MUC4: variants seen among roughly 807,000 people sequenced by gnomAD.
MUC4 encodes the protein mucin-4.
MUC4 carries 202 observed loss-of-function variants against 257.9 expected under a neutral mutation model. The observed-to-expected ratio is 0.78, with a 90% CI of 0.70 to 0.88. The LOEUF (loss-of-function observed/expected upper bound fraction) is 0.88, where lower values mean the gene tolerates loss of function less well. Ranked by LOEUF, MUC4 falls within the 40% of genes least tolerant of loss-of-function variation. The probability of loss-of-function intolerance (pLI) is 0.00; values close to 1 mark genes in which losing one functional copy is unlikely to be tolerated. For missense variants in MUC4, 5,976 were observed against 6,513.7 expected, an observed-to-expected ratio of 0.92 and a Z score of 2.84; for synonymous variants, 2,351 against 2,757.1, an observed-to-expected ratio of 0.85 and a Z score of 4.62.
rs1276273026 is a variant in MUC4, at chr3:195,750,992, C to A, written c.15768G>T (p.Val5256=). 1 of 1,613,978 alleles carries A rather than the reference C, an allele frequency of 6.2e-7. No individual in the cohort carries two copies. Among genetic ancestry groups the A allele is most frequent in the African/African-American group, 1.3e-5 (1 of 74,904 alleles). ...GAACGTGGTATAAGAACGCCTCCAC[C>A]ACCGCGGCCAGCAGCTGGTTGTTCA... is the stretch of plus-strand genomic sequence containing the variant. ...DFLNNQLLAA[V]VEAFLYHVPR... is the part of the protein sequence containing the mutation. The change falls in exon 23 of 25, where the codon GTG becomes GTT. Residue 5256 remains valine (V), a synonymous_variant. Transcript: ENST00000463781.
chr3:195,757,126 C>T lies in MUC4; in HGVS notation c.15168+21G>A, dbSNP rs1717826755. The stretch of plus-strand genomic sequence containing the variant: ...CTCTCCCCTCGGCACAGAAACTCCT[C>T]CCCCACCTCCCAACACTCACCTCCA... On this transcript the variant is annotated intron_variant, in intron 18 of 24. Transcript: ENST00000463781. This position sits in a 1 kb window ranked among gnomAD's most constrained non-coding sequence, Gnocchi z 4.8. 1 of 1,579,270 alleles carries T rather than the reference C, an allele frequency of 6.3e-7. No individual in the cohort carries two copies. The highest frequency in any genetic ancestry group is 1.3e-5 in the African/African-American group (1 of 74,394).
chr3:195,750,948 G>C lies in MUC4; in HGVS notation c.15812C>G (p.Pro5271Arg). 1 of 1,614,048 alleles carries C rather than the reference G, an allele frequency of 6.2e-7. No individual in the cohort carries two copies. Among genetic ancestry groups the C allele is most frequent in the Non-Finnish European group, 8.5e-7 (1 of 1,180,028 alleles). ...GGGCTGGAAGACCACGTCGTTCCTG[G>C]GCTCCTCACTCCTCCGTGGAACGTG... Reference protein sequence around the residue: ...LYHVPRRSEEPRNDVVFQPIS... With the variant: ...LYHVPRRSEERRNDVVFQPIS... Residue 5271 changes from proline (P) to arginine (R), a missense_variant, in exon 23 of 25, where the codon CCC (proline) becomes CGC (arginine). Physicochemically the swap from Pro to Arg is moderately radical, Grantham distance 103. Around this residue, in one of 44 missense-constraint regions of MUC4, gnomAD observed 310 missense variants for 242.1 expected, o/e 1.28. Coordinates refer to ENST00000463781, the MANE Select transcript of MUC4 (RefSeq NM_018406.7).
intron 18 of MUC4, among the ~76,000 whole-genome samples, chr3:195,756,404 G>A (rs1442284004): frequency 2.0e-5 from 3 of 152,218 alleles, no homozygotes; most frequent in Non-Finnish European, 2.9e-5. Flanking sequence ...GCTGTGGGGC[G>A]CTGTGAGAAA....
intron 8 of MUC4, 101 bp downstream of exon 8, chr3:195,766,562 G>A (rs956533122): frequency 2.1e-5 from 22 of 1,049,708 alleles, no homozygotes; most frequent in African/African-American, 1.2e-4. Flanking sequence ...CAGGATGGCC[G>A]TGATGTTAGG....
intron 2 of MUC4, 77 bp from the exon 3 acceptor site, chr3:195,778,532 A>G (rs144550200): frequency 1.3e-6 from 2 of 1,568,228 alleles, no homozygotes; most frequent in East Asian, 4.5e-5. Flanking sequence ...CAAAGAAATC[A>G]GGAGCTGGAA....
At chr3:195,804,097 GGAA>G (rs1030897253) in intron 1 of MUC4, among the ~76,000 whole-genome samples, 5 of 152,206 alleles carry the variant, frequency 3.3e-5, no homozygotes, top group African/African-American at 1.2e-4. Context: ...TTCTCTCAGA[GGAA>G]GAGTCTCCAT....
At position 195,807,627 on chromosome 3, in the gene MUC4, G is replaced by A. The variant is rs80275019; in HGVS notation, c.82+4109C>T. The stretch of plus-strand genomic sequence containing the variant: ...AACTCAGCCTAGCAGTAAGAAAGAC[G>A]TATATTTAAGGTAAAAGGCTGAAAC... On this transcript the variant is annotated intron_variant, in intron 1 of 24. Transcript: ENST00000463781. Among the ~76,000 whole-genome samples, 972 of 152,278 alleles carry A rather than the reference G, an allele frequency of 6.4e-3. 15 individuals carry two copies. Among genetic ancestry groups the A allele is most frequent in the African/African-American group, 0.023 (937 of 41,538 alleles).
At chr3:195,807,047 C>T (rs982973563) in intron 1 of MUC4, among the ~76,000 whole-genome samples, 12 of 152,156 alleles carry the variant, frequency 7.9e-5, no homozygotes, top group Non-Finnish European at 1.3e-4. Flanking sequence ...AGTGGAGCTG[C>T]GGGCAACCCA....
rs1015130999 is a variant in MUC4, at chr3:195,774,057, C to T, written c.13077+115G>A. The stretch of plus-strand genomic sequence containing the variant: ...ACATTAAGGAGGCTGTGGGGATGGA[C>T]GAGGGGCCCAGCCAAGGCTGCTTCC... On this transcript the variant is annotated intron_variant, in intron 4 of 24. Transcript: ENST00000463781. 9.1e-6 allele frequency: 12 copies of T among 1,325,178 alleles called. No homozygotes were observed. In the Admixed American group the frequency reaches 1.3e-4, roughly 14 times the overall value. The allele number at this position is 1,325,178 out of a possible 1,614,324, so 82.1% of individuals were successfully genotyped here. A position where few individuals can be genotyped will look rare whatever the true frequency, so the allele number is the denominator to read the frequency against.
intron 24 of MUC4, 124 bp downstream of exon 24, chr3:195,748,778 A>G: frequency 7.8e-7 from 1 of 1,284,986 alleles, no homozygotes; most frequent in Non-Finnish European, 1.0e-6. Flanking sequence ...CTCCTTTTCC[A>G]CTGTCCTCTC....
intron 24 of MUC4, 51 bp from the exon 25 acceptor site, chr3:195,747,431 C>T (rs772023503): frequency 5.7e-6 from 9 of 1,568,232 alleles, no homozygotes; most frequent in Middle Eastern, 3.5e-4. Flanking sequence ...GCTCAGCCTC[C>T]CAGCCCCTCC....
chr3:195,803,653 G>A (rs77624532), intron 1 of MUC4, among the ~76,000 whole-genome samples: 3,472 of 152,190 alleles, frequency 0.023, 121 homozygotes, highest in African/African-American at 0.079. Flanking sequence ...TTTCACAGGC[G>A]GGGAAATCGA....
At position 195,785,778 on chromosome 3, in the gene MUC4, G is replaced by T; in HGVS notation, c.5802C>A (p.Thr1934=). The change falls in exon 2 of 25, where the codon ACC becomes ACA. Residue 1934 remains threonine (T), a synonymous_variant. Coordinates refer to ENST00000463781, the MANE Select transcript of MUC4 (RefSeq NM_018406.7). The part of the protein sequence containing the change: ...TSLSSASTGD[T]TPLPVTSPSS... ...AAGGGCTAGTGACAGGAAGAGGCGT[G>T]GTGTCACCTGTGGATGCTGAGGAAA... The T allele has an allele frequency of 6.7e-7, 1 of 1,487,390 alleles. No individual in the cohort carries two copies. The highest frequency in any genetic ancestry group is 9.1e-7 in the Non-Finnish European group (1 of 1,104,142). 92.1% of individuals were successfully genotyped at this position (1,487,390 alleles called of 1,614,324 possible). A position where few individuals can be genotyped will look rare whatever the true frequency, so the allele number is the denominator to read the frequency against.
intron 1 of MUC4, among the ~76,000 whole-genome samples, chr3:195,801,215 G>A (rs553278440): frequency 2.1e-4 from 32 of 152,310 alleles, no homozygotes; most frequent in African/African-American, 7.0e-4. Context: ...TTCAGGTTCC[G>A]TCAGATTGTC....
rs1300144324 is a variant in MUC4 at position 195,788,104 on chromosome 3, G to A, written c.3476C>T (p.Ser1159Phe). Residue 1159 changes from serine to phenylalanine, a missense_variant, in exon 2 of 25, where the codon TCC (serine) becomes TTC (phenylalanine). By Grantham distance (155) the Ser-to-Phe change is radical. Coordinates refer to ENST00000463781, the MANE Select transcript of MUC4 (RefSeq NM_018406.7). ...GGTGGCCTGACCTGTGGATGCTGAG[G>A]AAGCATCAGTGACATGAAGAGGGGT... ...HTTPLHVTDASSASTGQATPL... is the reference protein window; with the variant it reads ...HTTPLHVTDAFSASTGQATPL... 4 of 1,497,372 alleles carry A rather than the reference G, an allele frequency of 2.7e-6. 1 individual carries two copies. The highest frequency in any genetic ancestry group is 3.6e-6 in the Non-Finnish European group (4 of 1,118,758). 92.8% of individuals were successfully genotyped at this position (1,497,372 alleles called of 1,614,324 possible).
Position 195,752,355 on chromosome 3 carries a change from G to A in MUC4, c.15582+18C>T, listed in dbSNP as rs6792437. The A allele has an allele frequency of 0.12, 191,908 of 1,603,742 alleles. 12,857 individuals are homozygous for A. The highest frequency in any genetic ancestry group is 0.25 in the Middle Eastern group (1,488 of 6,024). ...CCAAGCGCCCCCTCCCACCCAGAGC[G>A]CGGCCTGCAGCACTGACCGAGGCGT... On this transcript the variant is annotated intron_variant, in intron 21 of 24. Coordinates refer to ENST00000463781, the MANE Select transcript of MUC4 (RefSeq NM_018406.7).
At position 195,762,214 on chromosome 3, in the gene MUC4, G is replaced by A. The variant is rs1288152281; in HGVS notation, c.14385C>T (p.Arg4795=). 1 of 1,596,078 alleles carries A rather than the reference G, an allele frequency of 6.3e-7. No homozygotes were observed. The highest frequency in any genetic ancestry group is 8.5e-7 in the Non-Finnish European group (1 of 1,171,554). ...AGCTGGCCGAGACCTCAGAGCCGTT[G>A]CGGCTCAGGAGGACTCCGGTGGCGT... ...TFNATGVLLS[R]NGSEVSASFD... The change falls in exon 14 of 25, where the codon CGC becomes CGT. Residue 4795 remains arginine, a synonymous_variant. Coordinates refer to ENST00000463781, the MANE Select transcript of MUC4 (RefSeq NM_018406.7).
chr3:195,781,866 A>C lies in MUC4; in HGVS notation c.9714T>G (p.Pro3238=). The change falls in exon 2 of 25, where the codon CCT becomes CCG. Residue 3238 remains proline (P), a synonymous_variant. Transcript: ENST00000463781. The part of the protein sequence containing the change: ...GDTTPLPVTS[P]SSASTGHATS... ...TGGCATGACCGGTGGATGCTGAGGA[A>C]GGGCTAGTGACAGGAAGAGGCGTGG... is the stretch of plus-strand genomic sequence containing the variant. 1 of 938,004 alleles carries C rather than the reference A, an allele frequency of 1.1e-6. No individual in the cohort carries two copies. Among genetic ancestry groups the C allele is most frequent in the East Asian group, 8.5e-5 (1 of 11,800 alleles). The allele number at this position is 938,004 out of a possible 1,614,324, so 58.1% of individuals were successfully genotyped here.
chr3:195,800,331 T>G (rs895741151), intron 1 of MUC4, among the ~76,000 whole-genome samples: 6 of 152,152 alleles, frequency 3.9e-5, no homozygotes, highest in Non-Finnish European at 8.8e-5. Context: ...GTCCTCCTTT[T>G]AAATCTTTAT....
Sources: allele counts gnomAD v4.1 joint callset (sites outside exome capture counted in the v4.1 genomes callset), GRCh38; gene constraint gnomAD v4.1.1; regional missense constraint gnomAD v4.1.1; non-coding constraint Gnocchi (gnomAD v3.1); transcripts MANE v1.5; gene names NCBI Gene and HGNC (gene_info 2026-07-23, HGNC 2026-07-21).